The following RYK variants were observed in gnomAD, a reference collection of about 807,000 sequenced individuals.
The protein encoded by RYK is inactive tyrosine-protein kinase RYK.
A neutral mutation model predicts 70.2 loss-of-function variants in RYK; 21 were observed. That is an observed-to-expected ratio of 0.30 (90% CI 0.21 to 0.43). The LOEUF (loss-of-function observed/expected upper bound fraction) is 0.43, where lower values mean the gene tolerates loss of function less well. Among genes scored for constraint, RYK ranks in the 20% least tolerant of loss-of-function variants. RYK has a pLI of 1.00. For synonymous variants in RYK, 267 were observed against 278.0 expected, an observed-to-expected ratio of 0.96 and a Z score of 0.39; for missense variants, 604 against 753.3, an observed-to-expected ratio of 0.80 and a Z score of 2.32.
At chr3:134,171,202 CTAAG>C (rs2108147390) in intron 13 of RYK, 1 of 152,338 alleles carries the variant, frequency 6.6e-6, no homozygotes, top group Admixed American at 6.5e-5. Flanking sequence ...GAACAAGCAA[CTAAG>C]TATTTGGTGT....
In RYK at chr3:134,177,951, T is replaced by C. The variant is rs369256717; in HGVS notation, c.1295A>G (p.Asn432Ser). Reference protein sequence around the residue: ...FLRQCKLVEANNPQAISQQDL... With the variant: ...FLRQCKLVEASNPQAISQQDL... ...GCAAATTTTTCTCACCTGTGGATTATTGGCCTCTACTAACTTGCACTGTCG... is the reference window on the plus strand; with the variant it reads ...GCAAATTTTTCTCACCTGTGGATTACTGGCCTCTACTAACTTGCACTGTCG... Residue 432 changes from asparagine (N) to serine (S), a missense_variant, in exon 11 of 15, where the codon AAT becomes AGT. Coordinates refer to ENST00000623711, the MANE Select transcript of RYK (RefSeq NM_002958.4). 162 of 1,609,516 alleles carry C rather than the reference T, an allele frequency of 1.0e-4. No individual in the cohort carries two copies. Among genetic ancestry groups the C allele is most frequent in the African/African-American group, 1.3e-4 (10 of 74,736 alleles).
At chr3:134,239,296 C>CA (rs1219439249) in intron 1 of RYK, among the ~76,000 whole-genome samples, 3 of 151,462 alleles carry the variant, frequency 2.0e-5, no homozygotes, top group Admixed American at 6.6e-5. Flanking sequence ...CTCATCTATA[C>CA]AAAAAAAAAT....
At chr3:134,193,040 CT>C in intron 7 of RYK, among the ~76,000 whole-genome samples, 1 of 151,958 alleles carries the variant, frequency 6.6e-6, no homozygotes, top group Non-Finnish European at 1.5e-5. Flanking sequence ...TTTCTATTGA[CT>C]TTTTTAAAAA....
At chr3:134,192,249 T>TTTAGC (rs1421548535) in intron 7 of RYK, among the ~76,000 whole-genome samples, 1 of 152,154 alleles carries the variant, frequency 6.6e-6, no homozygotes, top group Non-Finnish European at 1.5e-5. Context: ...GACCACCACT[T>TTTAGC]CAATTGCCTT....
intron 13 of RYK, chr3:134,170,813 G>C (rs2012874936): frequency 6.5e-6 from 1 of 153,886 alleles, no homozygotes; most frequent in South Asian, 1.8e-4. Flanking sequence ...GTTCTGTTCA[G>C]AATTCTGCCC....
rs564521028 is a variant in RYK at position 134,163,078 on chromosome 3, C to T, written c.1576-3705G>A. On this transcript the variant is annotated intron_variant, in intron 13 of 14. Transcript: ENST00000623711. ...ATAAGCTTTTAAAAATTACTCCCTT[C>T]CCACTGTTTTGTTCACATTACTGCC... Among the ~76,000 whole-genome samples the T allele has an allele frequency of 2.1e-4, 32 of 152,304 alleles. 1 individual carries two copies. Among genetic ancestry groups the T allele is most frequent in the Non-Finnish European group, 2.9e-4 (20 of 68,018 alleles).
At chr3:134,215,136 T>C (rs1328545757) in intron 2 of RYK, among the ~76,000 whole-genome samples, 4 of 152,198 alleles carry the variant, frequency 2.6e-5, no homozygotes, top group Non-Finnish European at 5.9e-5. Flanking sequence ...AGGTCTCAGT[T>C]ATCACAAGGA....
At chr3:134,216,042 AAAAAGAAAAAG>A (rs1328373257) in intron 2 of RYK, among the ~76,000 whole-genome samples, 1 of 151,728 alleles carries the variant, frequency 6.6e-6, no homozygotes, top group East Asian at 1.9e-4. Flanking sequence ...TCTCAAAAAA[AAAAAGAAAAAG>A]AAAAAGAAAA....
At chr3:134,174,908 T>C (rs554318895) in intron 13 of RYK, among the ~76,000 whole-genome samples, 2 of 152,174 alleles carry the variant, frequency 1.3e-5, no homozygotes, top group South Asian at 4.1e-4. Context: ...AAAGAAAACA[T>C]CTTTATGATC....
intron 5 of RYK, among the ~76,000 whole-genome samples, chr3:134,204,579 A>C (rs1390286740): frequency 3.8e-5 from 5 of 130,106 alleles, no homozygotes; most frequent in African/African-American, 1.6e-4. Context: ...TAACCCAATG[A>C]CACAGCCACA....
rs146665782 is a variant in RYK, at chr3:134,158,164, C to G, written c.1813G>C (p.Ala605Pro). 2 of 1,513,222 alleles carry G rather than the reference C, an allele frequency of 1.3e-6. No individual in the cohort carries two copies. The highest frequency in any genetic ancestry group is 1.8e-6 in the Non-Finnish European group (2 of 1,123,600). The allele number at this position is 1,513,222 out of a possible 1,614,324, so 93.7% of individuals were successfully genotyped here. Reference protein sequence around the residue: ...CLTEFHAALGAYV With the variant: ...CLTEFHAALGPYV ...GGATTGGAGAGGAGTCAGACGTAGGCCCCCAGGGCTGCATGAAACTCTGTT... is the reference window on the plus strand; with the variant it reads ...GGATTGGAGAGGAGTCAGACGTAGGGCCCCAGGGCTGCATGAAACTCTGTT... Residue 605 changes from alanine (A) to proline (P), a missense_variant, in exon 15 of 15, where the codon GCC becomes CCC. This residue lies in a region of RYK where 138 missense variants were observed against 217.4 expected (regional missense o/e 0.63). Coordinates refer to ENST00000623711, the MANE Select transcript of RYK (RefSeq NM_002958.4).
Position 134,248,729 on chromosome 3 carries a change from C to CA in RYK, c.232+1693dup, listed in dbSNP as rs199539819. 3.0e-3 allele frequency among the ~76,000 whole-genome samples: 451 copies of CA among 152,052 alleles called. 3 individuals are homozygous for CA. The highest frequency in any genetic ancestry group is 9.9e-3 in the African/African-American group (409 of 41,472). ...AGGTGAATCACCTGAACCCAGGAAG[C>CA]AGAGATTGCAGTGAGCCGAGATCAC... is the stretch of plus-strand genomic sequence containing the variant. On this transcript the variant is annotated intron_variant, in intron 1 of 14. Transcript: ENST00000623711.
In RYK at chr3:134,212,525, G is replaced by A. The variant is rs74946923; in HGVS notation, c.355-918C>T. Among the ~76,000 whole-genome samples, 1,049 of 152,280 alleles carry A rather than the reference G, an allele frequency of 6.9e-3. 8 individuals are homozygous for A. The highest frequency in any genetic ancestry group is 0.022 in the African/African-American group (904 of 41,538). On this transcript the variant is annotated intron_variant, in intron 2 of 14. Transcript: ENST00000623711. ...GGCAGACTGAGATTTGCAGAGCCAC[G>A]AGGCAGCAGGTTGGGAAAAGAGTGA...
chr3:134,211,173 C>T (rs2014380424), intron 3 of RYK, among the ~76,000 whole-genome samples: 1 of 152,110 alleles, frequency 6.6e-6, no homozygotes. Flanking sequence ...CAGGGTCAAA[C>T]ATGACCGTGC....
chr3:134,214,099 G>A (rs533023665), intron 2 of RYK, among the ~76,000 whole-genome samples: 17 of 152,208 alleles, frequency 1.1e-4, no homozygotes, highest in East Asian at 7.7e-4. Flanking sequence ...GAGCCACCGC[G>A]CCCGGCCGAA....
At chr3:134,240,492 T>C (rs572775663) in intron 1 of RYK, among the ~76,000 whole-genome samples, 2 of 152,332 alleles carry the variant, frequency 1.3e-5, no homozygotes, top group African/African-American at 4.8e-5. Flanking sequence ...GGGGACTTTT[T>C]AAAGGTGCAA....
intron 1 of RYK, among the ~76,000 whole-genome samples, chr3:134,240,237 T>G (rs1452327611): frequency 1.3e-5 from 2 of 152,216 alleles, no homozygotes; most frequent in Admixed American, 1.3e-4. Flanking sequence ...TGCTTCAAAA[T>G]AATCTAAGTA....
chr3:134,245,739 G>A (rs72986428), intron 1 of RYK, among the ~76,000 whole-genome samples: 2,870 of 152,226 alleles, frequency 0.019, 79 homozygotes, highest in African/African-American at 0.066. Flanking sequence ...AACCCTGGCA[G>A]CTGGCATATC....
rs746430514 is a variant in RYK, at chr3:134,173,512, AAAG to A, written c.1575+2094_1575+2096del. Among the ~76,000 whole-genome samples, 23 of 152,158 alleles carry A rather than the reference AAAG, an allele frequency of 1.5e-4. 1 individual carries two copies. Among genetic ancestry groups the A allele is most frequent in the Admixed American group, 1.2e-3 (19 of 15,278 alleles). On this transcript the variant is annotated intron_variant, in intron 13 of 14. Transcript: ENST00000623711. ...GGAAACTTACAATCATGACGAAGGA[AAAG>A]AAGAAGCAGGCACCTTCCTCACAGG... is the stretch of plus-strand genomic sequence containing the variant.
Sources: allele counts gnomAD v4.1 joint callset (sites outside exome capture counted in the v4.1 genomes callset), GRCh38; gene constraint gnomAD v4.1.1; regional missense constraint gnomAD v4.1.1; transcripts MANE v1.5; gene names NCBI Gene and HGNC (gene_info 2026-07-23, HGNC 2026-07-21).